The following MALL variants were observed in gnomAD, a reference collection of about 807,000 sequenced individuals.
MALL encodes MAL-like protein.
A neutral mutation model predicts 10.3 loss-of-function variants in MALL; 2 were observed. The observed-to-expected ratio is 0.19, with a 90% CI of 0.08 to 0.61. The LOEUF is 0.61. MALL is among the 20% of genes least tolerant of loss of function. The pLI, the probability that MALL is intolerant of heterozygous loss-of-function variation, is 0.88. For missense variants in MALL, 39 were observed against 115.2 expected (o/e 0.34, Z 3.03); for synonymous variants, 27 against 51.8 (o/e 0.52, Z 2.05).
chr2:110,114,317 T>C (rs1445398152), intron 1 of MALL, among the ~76,000 whole-genome samples: 1 of 152,054 alleles, frequency 6.6e-6, no homozygotes, highest in Non-Finnish European at 1.5e-5. Context: ...GAAATGCTCA[T>C]GAGTCTCTTC....
At chr2:110,109,334 ACTT>A (rs1274981368) in intron 1 of MALL, among the ~76,000 whole-genome samples, 1 of 152,098 alleles carries the variant, frequency 6.6e-6, no homozygotes, top group African/African-American at 2.4e-5. Context: ...ACTCAAATAA[ACTT>A]AAAGTAAAAG....
intron 1 of MALL, among the ~76,000 whole-genome samples, chr2:110,109,719 G>A (rs1678761888): frequency 6.6e-6 from 1 of 152,012 alleles, no homozygotes; most frequent in Non-Finnish European, 1.5e-5. Flanking sequence ...AAATGAAACA[G>A]GAGATATTAC....
rs116862657 is a variant in MALL, at chr2:110,099,961, G to T, written c.106-8191C>A. On this transcript the variant is annotated intron_variant, in intron 1 of 3. Coordinates refer to ENST00000272462, the MANE Select transcript of MALL (RefSeq NM_005434.5). ...AGCCCTTTCACAGCACTGCTGAGGAGCCCCTGGGATTCAAGTCTGTGCGGG... is the reference window on the plus strand; with the variant it reads ...AGCCCTTTCACAGCACTGCTGAGGATCCCCTGGGATTCAAGTCTGTGCGGG... Among the ~76,000 whole-genome samples the T allele has an allele frequency of 1.2e-3, 189 of 152,102 alleles. 5 individuals are homozygous for T. In the East Asian group the frequency reaches 0.034, roughly 27 times the overall value.
intron 1 of MALL, among the ~76,000 whole-genome samples, chr2:110,112,876 ATATATATATG>A (rs1678833053): frequency 6.7e-6 from 1 of 149,830 alleles, no homozygotes; most frequent in Non-Finnish European, 1.5e-5. Context: ...ACTGTGATAT[ATATATATATG>A]TATATATATA....
intron 1 of MALL, among the ~76,000 whole-genome samples, chr2:110,101,863 A>G (rs1228113843): frequency 2.0e-5 from 3 of 152,106 alleles, no homozygotes; most frequent in African/African-American, 7.2e-5. Context: ...ACAAAATTAA[A>G]CACAGCATTT....
chr2:110,106,387 C>T (rs1053769452), intron 1 of MALL, among the ~76,000 whole-genome samples: 3 of 152,042 alleles, frequency 2.0e-5, no homozygotes, highest in African/African-American at 2.4e-5. Flanking sequence ...GGGTGTGAGC[C>T]GCACCCACCC....
chr2:110,095,280 C>G (rs1180961385), intron 1 of MALL, among the ~76,000 whole-genome samples: 1 of 152,088 alleles, frequency 6.6e-6, no homozygotes, highest in Non-Finnish European at 1.5e-5. Context: ...TTTGTATTTC[C>G]TCAGAGCGGG....
upstream of MALL, chr2:110,115,959 G>T (rs571328078): frequency 5.5e-4 from 219 of 397,026 alleles, no homozygotes; most frequent in Non-Finnish European, 8.6e-4. Context: ...GATCCTCAGT[G>T]GGCGGCCCAG....
intron 1 of MALL, among the ~76,000 whole-genome samples, chr2:110,096,714 C>T (rs1330693692): frequency 1.5e-5 from 2 of 133,116 alleles, no homozygotes; most frequent in Admixed American, 1.5e-4. Flanking sequence ...TGTACCTACA[C>T]ACACACACAC....
intron 1 of MALL, among the ~76,000 whole-genome samples, chr2:110,096,920 T>C (rs892422400): frequency 6.6e-6 from 1 of 152,050 alleles, no homozygotes; most frequent in African/African-American, 2.4e-5. Flanking sequence ...TTTCACTTGA[T>C]GGAATTTGTC....
At chr2:110,112,763 T>A (rs1351583191) in intron 1 of MALL, among the ~76,000 whole-genome samples, 1 of 151,808 alleles carries the variant, frequency 6.6e-6, no homozygotes, top group Non-Finnish European at 1.5e-5. Flanking sequence ...AAGTCATTAT[T>A]CAAAAAAGAT....
intron 1 of MALL, chr2:110,097,392 G>A (rs1678467812): frequency 2.2e-6 from 1 of 446,722 alleles, no homozygotes; most frequent in Non-Finnish European, 4.5e-6. Flanking sequence ...CAAATAATAT[G>A]TAAATTTAAA....
intron 1 of MALL, among the ~76,000 whole-genome samples, chr2:110,107,516 C>T (rs1157970403): frequency 1.3e-5 from 2 of 152,098 alleles, no homozygotes; most frequent in Admixed American, 6.5e-5. Context: ...CACCTTTACC[C>T]CTCACAGCAG....
intron 1 of MALL, among the ~76,000 whole-genome samples, chr2:110,103,586 C>T (rs1407510428): frequency 6.6e-6 from 1 of 152,198 alleles, no homozygotes; most frequent in South Asian, 2.1e-4. Flanking sequence ...AGAGAGCCAG[C>T]ACTTCTACTG....
At chr2:110,110,616 C>T (rs532875952) in intron 1 of MALL, among the ~76,000 whole-genome samples, 83 of 152,058 alleles carry the variant, frequency 5.5e-4, no homozygotes, top group Non-Finnish European at 8.4e-4. Flanking sequence ...CGGATGGATT[C>T]GCACCAGAAT....
chr2:110,101,355 G>A (rs770277275), intron 1 of MALL, among the ~76,000 whole-genome samples: 5 of 152,068 alleles, frequency 3.3e-5, no homozygotes, highest in South Asian at 2.1e-4. Context: ...GAGTCACTGC[G>A]TCCTGACTCA....
intron 1 of MALL, among the ~76,000 whole-genome samples, chr2:110,104,524 A>T (rs1276464816): frequency 6.6e-6 from 1 of 152,118 alleles, no homozygotes; most frequent in Non-Finnish European, 1.5e-5. Flanking sequence ...GAATACTTGG[A>T]ATTTAAGTGG....
upstream of MALL, among the ~76,000 whole-genome samples, chr2:110,117,877 G>T (rs1307348018): frequency 2.0e-5 from 3 of 151,988 alleles, no homozygotes; most frequent in Non-Finnish European, 4.4e-5. Flanking sequence ...ACTGTTTGGG[G>T]CTCTCTTTCC....
At chr2:110,108,099 C>A (rs1678731425) in intron 1 of MALL, among the ~76,000 whole-genome samples, 1 of 152,100 alleles carries the variant, frequency 6.6e-6, no homozygotes, top group Non-Finnish European at 1.5e-5. Context: ...ACCAGAAAAC[C>A]AGCCCTGGTA....
Sources: gnomAD v4.1 joint callset for allele counts (sites outside exome capture counted in the v4.1 genomes callset) on GRCh38, gnomAD v4.1.1 for gene constraint, MANE v1.5 for transcripts, NCBI Gene and HGNC (gene_info 2026-07-23, HGNC 2026-07-21) for gene names.